DYTN: variants seen among roughly 807,000 people sequenced by gnomAD.
DYTN encodes dystrotelin.
A neutral mutation model predicts 69.6 loss-of-function variants in DYTN; 75 were observed. The observed-to-expected ratio is 1.08, with a 90% CI of 0.89 to 1.31. The LOEUF (loss-of-function observed/expected upper bound fraction) is 1.31. Ranked by LOEUF, DYTN falls within the 50% of genes most tolerant of loss-of-function variation. The probability of loss-of-function intolerance (pLI) is 0.00; values close to 1 mark genes in which losing one functional copy is unlikely to be tolerated. For synonymous variants in DYTN, 252 were observed against 249.1 expected, an observed-to-expected ratio of 1.01 and a Z score of -0.11; for missense variants, 726 against 688.4, an observed-to-expected ratio of 1.05 and a Z score of -0.61.
At chr2:206,689,149 C>G (rs1699839645) in intron 9 of DYTN, among the ~76,000 whole-genome samples, 1 of 152,174 alleles carries the variant, frequency 6.6e-6, no homozygotes, top group Non-Finnish European at 1.5e-5. Context: ...TGGCACCTAA[C>G]TTTCAGTTCT....
At chr2:206,670,342 T>C (rs1699617063) in intron 9 of DYTN, 2 of 152,106 alleles carry the variant, frequency 1.3e-5, no homozygotes, top group African/African-American at 4.8e-5. Context: ...ACCTTCATAT[T>C]GGAATCACAG....
chr2:206,695,353 G>C lies in DYTN; in HGVS notation c.720-476C>G, dbSNP rs138741652. Among the ~76,000 whole-genome samples, 287 of 152,306 alleles carry C rather than the reference G, an allele frequency of 1.9e-3. 3 individuals carry two copies. The highest frequency in any genetic ancestry group is 5.2e-3 in the East Asian group (27 of 5,180). On this transcript the variant is annotated intron_variant, in intron 7 of 11. Coordinates refer to ENST00000452335, the MANE Select transcript of DYTN (RefSeq NM_001093730.1). ...ATGATAATATTGGGCCTGTATTCCT[G>C]AGTGGTGTTGGGGAAAATTAAGCCA...
At chr2:206,688,944 A>G (rs1180437111) in intron 9 of DYTN, among the ~76,000 whole-genome samples, 1 of 152,084 alleles carries the variant, frequency 6.6e-6, no homozygotes, top group African/African-American at 2.4e-5. Context: ...GTATATGTTT[A>G]TTTTATTTTT....
Position 206,651,765 on chromosome 2 carries a change from G to T in DYTN, c.*53C>A, listed in dbSNP as rs1699388799. On this transcript the variant is annotated 3_prime_UTR_variant, in exon 12 of 12. Transcript: ENST00000452335. ...AAGTCTTAATTCTTTTAATACAGTTGTGCAACTGCATTTTGTCATCACACC... is the reference window on the plus strand; with the variant it reads ...AAGTCTTAATTCTTTTAATACAGTTTTGCAACTGCATTTTGTCATCACACC... The T allele has an allele frequency of 6.8e-7, 1 of 1,473,240 alleles. No homozygotes were observed. Among genetic ancestry groups the T allele is most frequent in the African/African-American group, 1.4e-5 (1 of 71,916 alleles). 91.3% of individuals were successfully genotyped at this position (1,473,240 alleles called of 1,614,324 possible). A position where few individuals can be genotyped will look rare whatever the true frequency, so the allele number is the denominator to read the frequency against.
chr2:206,712,991 A>G (rs926569482), intron 1 of DYTN, among the ~76,000 whole-genome samples: 1 of 152,244 alleles, frequency 6.6e-6, no homozygotes, highest in Non-Finnish European at 1.5e-5. Flanking sequence ...TAGCTTGCGA[A>G]TGAAATCAAC....
intron 9 of DYTN, among the ~76,000 whole-genome samples, chr2:206,691,593 T>C (rs1055597123): frequency 5.9e-5 from 9 of 152,138 alleles, no homozygotes; most frequent in Non-Finnish European, 1.0e-4. Context: ...ATCTTTGTTT[T>C]TATTTTTAAA....
At chr2:206,710,692 C>CT in intron 1 of DYTN, 94 bp from the exon 2 acceptor site, 1 of 1,008,358 alleles carries the variant, frequency 9.9e-7, no homozygotes, top group Non-Finnish European at 1.4e-6. Context: ...TGTAAGCTTA[C>CT]TTTATTTTGC....
intron 1 of DYTN, among the ~76,000 whole-genome samples, chr2:206,715,848 G>C (rs1700123963): frequency 6.6e-6 from 1 of 152,148 alleles, no homozygotes; most frequent in African/African-American, 2.4e-5. Flanking sequence ...CCAGCACTTT[G>C]GGAGGCCAAG....
intron 9 of DYTN, among the ~76,000 whole-genome samples, chr2:206,688,270 A>G (rs1407968339): frequency 6.6e-6 from 1 of 152,190 alleles, no homozygotes; most frequent in Non-Finnish European, 1.5e-5. Flanking sequence ...CATTAAACTC[A>G]TGGTCAACAG....
At chr2:206,693,381 T>C in intron 8 of DYTN, 58 bp from the exon 9 acceptor site, 1 of 1,556,012 alleles carries the variant, frequency 6.4e-7, no homozygotes, top group Non-Finnish European at 8.7e-7. Flanking sequence ...GTGGTCTTCC[T>C]TCCTTACTTG....
intron 1 of DYTN, among the ~76,000 whole-genome samples, chr2:206,713,279 A>C (rs72960734): frequency 0.15 from 22,994 of 152,206 alleles, 2,213 homozygotes; most frequent in Non-Finnish European, 0.21. Flanking sequence ...AGCAATTTTC[A>C]AGAATATAAT....
chr2:206,658,224 T>C (rs1352183652), intron 11 of DYTN, among the ~76,000 whole-genome samples: 1 of 152,164 alleles, frequency 6.6e-6, no homozygotes, highest in African/African-American at 2.4e-5. Context: ...TATCTCTTTG[T>C]TGAAATTCTC....
chr2:206,704,770 A>G, intron 5 of DYTN, 73 bp downstream of exon 5: 1 of 1,303,208 alleles, frequency 7.7e-7, no homozygotes, highest in Non-Finnish European at 1.1e-6. Flanking sequence ...CACTGGAGAC[A>G]TCAGATTCTT....
At chr2:206,685,774 TTTTTTCCCCTTACATAAC>T (rs1699799064) in intron 9 of DYTN, among the ~76,000 whole-genome samples, 1 of 151,974 alleles carries the variant, frequency 6.6e-6, no homozygotes, top group Admixed American at 6.6e-5. Context: ...CAAACATTCA[TTTTTTCCCCTTACATAAC>T]TTTGCATTTA....
intron 9 of DYTN, among the ~76,000 whole-genome samples, chr2:206,674,871 CA>C (rs1699666261): frequency 6.6e-6 from 1 of 151,852 alleles, no homozygotes; most frequent in African/African-American, 2.4e-5. Context: ...GTTTTAAAAA[CA>C]AGGACCAGAA....
intron 5 of DYTN, among the ~76,000 whole-genome samples, chr2:206,702,177 CT>C (rs1699983240): frequency 6.6e-6 from 1 of 152,226 alleles, no homozygotes; most frequent in South Asian, 2.1e-4. Context: ...CACTAAGAAC[CT>C]TTTGTGACTG....
intron 9 of DYTN, among the ~76,000 whole-genome samples, chr2:206,675,845 G>T (rs1274852862): frequency 6.6e-6 from 1 of 152,140 alleles, no homozygotes; most frequent in African/African-American, 2.4e-5. Context: ...ATCATCACTG[G>T]TCGTTAGAGA....
chr2:206,682,785 G>A (rs1215967167), intron 9 of DYTN, among the ~76,000 whole-genome samples: 1 of 151,938 alleles, frequency 6.6e-6, no homozygotes, highest in Non-Finnish European at 1.5e-5. Flanking sequence ...CTAGACTCCT[G>A]ATTTCCTCCA....
At chr2:206,652,827 G>A (rs767609410) in intron 11 of DYTN, among the ~76,000 whole-genome samples, 6 of 152,138 alleles carry the variant, frequency 3.9e-5, no homozygotes, top group Non-Finnish European at 5.9e-5. Context: ...GGTTATCTCT[G>A]AAAAACAGGT....
Sources: gnomAD v4.1 joint callset for allele counts (sites outside exome capture counted in the v4.1 genomes callset) on GRCh38, gnomAD v4.1.1 for gene constraint, MANE v1.5 for transcripts, NCBI Gene and HGNC (gene_info 2026-07-23, HGNC 2026-07-21) for gene names.